Variants in KAZN observed in about 807,000 individuals in gnomAD.
KAZN encodes kazrin.
KAZN carries 40 observed loss-of-function variants against 87.4 expected under a neutral mutation model. The observed-to-expected ratio is 0.46, with a 90% confidence interval of 0.36 to 0.60. The LOEUF is 0.60. Ranked by LOEUF, KAZN falls within the 20% of genes least tolerant of loss-of-function variation. The pLI is 0.00. For synonymous variants in KAZN, 466 were observed against 458.3 expected (o/e 1.02, Z -0.22); for missense variants, 898 against 1,073.9 (o/e 0.84, Z 2.29).
intron 2 of KAZN, among the ~76,000 whole-genome samples, chr1:15,011,536 C>T (rs1330462209): frequency 6.6e-6 from 1 of 152,140 alleles, no homozygotes; most frequent in Non-Finnish European, 1.5e-5. Context: ...GACTCCCCCT[C>T]CCCCAACCCC....
rs560293311 is a variant in KAZN, at chr1:14,161,497, G to A, written c.92-18938G>A. On this transcript the variant is annotated intron_variant, in intron 1 of 16. Coordinates refer to the KAZN transcript ENST00000636203. ...ATGTGGACCTTTTTACAAAGTTGCC[G>A]AAGTCTTCACAACTTCAGTTGACTT... Among the ~76,000 whole-genome samples the A allele has an allele frequency of 5.8e-4, 88 of 152,330 alleles. 1 individual carries two copies. The South Asian group carries it at 6.0e-3, about 10-fold the overall frequency.
At chr1:14,262,964 G>T (rs767254480) in intron 2 of KAZN, among the ~76,000 whole-genome samples, 3 of 152,150 alleles carry the variant, frequency 2.0e-5, no homozygotes, top group African/African-American at 4.8e-5. Context: ...AATTCCTACC[G>T]TGTGATCCGT....
intron 2 of KAZN, among the ~76,000 whole-genome samples, chr1:14,477,910 G>A (rs1668842666): frequency 6.6e-6 from 1 of 152,146 alleles, no homozygotes; most frequent in Non-Finnish European, 1.5e-5. Flanking sequence ...AGTACTTTGA[G>A]GCATGGTTTC....
At chr1:14,165,662 AAC>A (rs1226775870) in intron 1 of KAZN, among the ~76,000 whole-genome samples, 6 of 152,170 alleles carry the variant, frequency 3.9e-5, no homozygotes, top group African/African-American at 1.4e-4. Context: ...AGAAGAAAAG[AAC>A]AGTCTGTTGT....
At chr1:14,147,831 C>A (rs74226300) in intron 1 of KAZN, among the ~76,000 whole-genome samples, 14 of 151,396 alleles carry the variant, frequency 9.2e-5, no homozygotes, top group South Asian at 2.1e-4. Flanking sequence ...AAGGTCACTA[C>A]GTAGAAACCT....
intron 2 of KAZN, among the ~76,000 whole-genome samples, chr1:14,976,551 G>T (rs1412338588): frequency 6.6e-6 from 1 of 152,212 alleles, no homozygotes; most frequent in African/African-American, 2.4e-5. Flanking sequence ...GTCTTAGCGT[G>T]AACCCATGGG....
chr1:14,419,916 T>C (rs989270132), intron 2 of KAZN, among the ~76,000 whole-genome samples: 3 of 152,124 alleles, frequency 2.0e-5, no homozygotes, highest in African/African-American at 7.2e-5. Flanking sequence ...TGGGATTTAT[T>C]GCAAAGAGCG....
intron 8 of KAZN, among the ~76,000 whole-genome samples, chr1:15,085,601 T>A (rs1032690582): frequency 3.3e-5 from 5 of 152,216 alleles, no homozygotes; most frequent in Admixed American, 3.3e-4. Context: ...GTGCTGGGAT[T>A]ACAGGCGTGA....
intron 1 of KAZN, among the ~76,000 whole-genome samples, chr1:14,158,748 T>C (rs1645648345): frequency 6.6e-6 from 1 of 152,142 alleles, no homozygotes; most frequent in African/African-American, 2.4e-5. Context: ...TACCCGTCCT[T>C]CTTGGGAAGG....
chr1:14,761,604 T>A (rs1317168552), intron 1 of KAZN, among the ~76,000 whole-genome samples: 1 of 152,232 alleles, frequency 6.6e-6, no homozygotes, highest in African/African-American at 2.4e-5. Context: ...CGGAAAACAT[T>A]AGAATTTCAA....
chr1:14,015,244 C>T (rs925501720), intron 1 of KAZN, among the ~76,000 whole-genome samples: 1 of 151,914 alleles, frequency 6.6e-6, no homozygotes, highest in Non-Finnish European at 1.5e-5. Flanking sequence ...ACCAGACTTT[C>T]CTCTTCTTTT....
intron 1 of KAZN, among the ~76,000 whole-genome samples, chr1:13,907,874 G>A (rs998986700): frequency 6.6e-6 from 1 of 152,194 alleles, no homozygotes; most frequent in African/African-American, 2.4e-5. Flanking sequence ...CCTGTTGGGT[G>A]AGGTTATAAG....
chr1:14,205,550 G>T (rs1325680421), intron 2 of KAZN, among the ~76,000 whole-genome samples: 1 of 152,022 alleles, frequency 6.6e-6, no homozygotes, highest in Non-Finnish European at 1.5e-5. Flanking sequence ...AGGATTTTCT[G>T]TATAGCCAGC....
chr1:14,377,405 G>A (rs975288865), intron 2 of KAZN, among the ~76,000 whole-genome samples: 2 of 152,186 alleles, frequency 1.3e-5, no homozygotes, highest in African/African-American at 2.4e-5. Context: ...GGTCTCATTC[G>A]CCTTTAGCTC....
chr1:13,986,685 G>T (rs555511472), intron 1 of KAZN, among the ~76,000 whole-genome samples: 1 of 152,308 alleles, frequency 6.6e-6, no homozygotes, highest in East Asian at 1.9e-4. Context: ...GTATTGGAAG[G>T]ATATTGATTG....
intron 1 of KAZN, among the ~76,000 whole-genome samples, chr1:14,096,985 G>A (rs1462062977): frequency 6.6e-6 from 1 of 152,232 alleles, no homozygotes; most frequent in Non-Finnish European, 1.5e-5. Context: ...TTAAGGTGGA[G>A]CCTAGGAATC....
intron 2 of KAZN, among the ~76,000 whole-genome samples, chr1:14,433,279 C>T (rs1666188463): frequency 6.6e-6 from 1 of 152,186 alleles, no homozygotes; most frequent in African/African-American, 2.4e-5. Flanking sequence ...CAACTGCTCT[C>T]CTGGCTTCTA....
intron 1 of KAZN, among the ~76,000 whole-genome samples, chr1:13,998,424 A>C (rs1179424760): frequency 6.6e-6 from 1 of 152,220 alleles, no homozygotes; most frequent in Non-Finnish European, 1.5e-5. Flanking sequence ...AAAGACACAG[A>C]CTGGCAAATT....
intron 2 of KAZN, among the ~76,000 whole-genome samples, chr1:14,244,003 C>T (rs1477288265): frequency 2.6e-5 from 4 of 152,124 alleles, no homozygotes; most frequent in Admixed American, 6.5e-5. Context: ...CAGAGTTGAG[C>T]GTCCCAATTT....
Sources: gnomAD v4.1 joint callset for allele counts (sites outside exome capture counted in the v4.1 genomes callset) on GRCh38, gnomAD v4.1.1 for gene constraint, MANE v1.5 for transcripts, NCBI Gene and HGNC (gene_info 2026-07-23, HGNC 2026-07-21) for gene names.